CHD6: variants seen among roughly 807,000 people sequenced by gnomAD.
The protein encoded by CHD6 is chromodomain helicase DNA binding protein 6.
In CHD6, 50 loss-of-function variants were observed where a neutral mutation model predicts 276.9. The observed-to-expected ratio is 0.18, with a 90% CI of 0.14 to 0.23. The LOEUF is 0.23. Among genes scored for constraint, CHD6 ranks in the 10% least tolerant of loss-of-function variants. The pLI is 1.00. For missense variants in CHD6, 2,564 were observed against 3,365.8 expected (o/e 0.76, Z 5.89); for synonymous variants, 1,173 against 1,229.3 (o/e 0.95, Z 0.96).
chr20:41,525,174 C>T (rs1409904080), intron 3 of CHD6, among the ~76,000 whole-genome samples: 3 of 152,196 alleles, frequency 2.0e-5, no homozygotes, highest in Non-Finnish European at 4.4e-5. Context: ...GCTGTCCCTC[C>T]CTCCACTTTT....
chr20:41,522,470 T>C (rs948748653), intron 3 of CHD6, among the ~76,000 whole-genome samples: 3 of 152,186 alleles, frequency 2.0e-5, no homozygotes, highest in South Asian at 2.1e-4. Flanking sequence ...AGCAGGATAT[T>C]TGCATGATCT....
chr20:41,517,831 C>T (rs1438711250), intron 3 of CHD6, among the ~76,000 whole-genome samples: 1 of 152,200 alleles, frequency 6.6e-6, no homozygotes, highest in African/African-American at 2.4e-5. Flanking sequence ...CAGAGGCTTA[C>T]GCTCAGGTCA....
At chr20:41,586,938 A>G (rs1234875175) in intron 1 of CHD6, among the ~76,000 whole-genome samples, 1 of 152,360 alleles carries the variant, frequency 6.6e-6, no homozygotes, top group Admixed American at 6.5e-5. Context: ...CACTGACTCA[A>G]TATCATGTGA....
intron 16 of CHD6, among the ~76,000 whole-genome samples, chr20:41,482,182 G>C (rs1446046391): frequency 6.6e-6 from 1 of 152,104 alleles, no homozygotes; most frequent in Non-Finnish European, 1.5e-5. Flanking sequence ...ACTAACAGTT[G>C]TACATATTTT....
At chr20:41,490,611 G>A (rs965052816) in intron 11 of CHD6, among the ~76,000 whole-genome samples, 10 of 152,060 alleles carry the variant, frequency 6.6e-5, no homozygotes, top group Non-Finnish European at 8.8e-5. Context: ...TCAGGAGTTC[G>A]AGACGAACCT....
At chr20:41,451,170 A>C (rs1199445164) in intron 22 of CHD6, 65 bp from the exon 23 acceptor site, 6 of 1,435,656 alleles carry the variant, frequency 4.2e-6, no homozygotes, top group Non-Finnish European at 5.8e-6. Context: ...CGGGTTTTAG[A>C]AGAGCTGGGC....
At chr20:41,475,223 C>T (rs551837022) in intron 16 of CHD6, among the ~76,000 whole-genome samples, 18 of 152,326 alleles carry the variant, frequency 1.2e-4, no homozygotes, top group Admixed American at 8.5e-4. Flanking sequence ...TTAATTCTCA[C>T]AATAGTCCTA....
intron 28 of CHD6, 136 bp downstream of exon 28, chr20:41,425,957 G>T (rs1279000344): frequency 8.1e-6 from 6 of 739,890 alleles, no homozygotes; most frequent in African/African-American, 5.2e-5. Flanking sequence ...CTCTAGGGGA[G>T]TTTGATGATG....
chr20:41,527,021 T>A (rs1055365561), intron 3 of CHD6, among the ~76,000 whole-genome samples: 1 of 152,184 alleles, frequency 6.6e-6, no homozygotes, highest in African/African-American at 2.4e-5. Flanking sequence ...GGCCAGCACA[T>A]TGACTAATTT....
chr20:41,618,046 C>G (rs2045952579), intron 1 of CHD6, among the ~76,000 whole-genome samples: 1 of 148,080 alleles, frequency 6.8e-6, no homozygotes, highest in Non-Finnish European at 1.5e-5. Flanking sequence ...GGCGCACTCC[C>G]AAGGACGGCC....
chr20:41,525,307 T>C (rs919274578), intron 3 of CHD6, among the ~76,000 whole-genome samples: 34 of 152,188 alleles, frequency 2.2e-4, no homozygotes, highest in Non-Finnish European at 1.0e-4. Flanking sequence ...CTTAGAGTAA[T>C]TGCCTGAGTT....
chr20:41,604,373 T>C (rs948180560), intron 1 of CHD6, among the ~76,000 whole-genome samples: 1 of 152,050 alleles, frequency 6.6e-6, no homozygotes, highest in Non-Finnish European at 1.5e-5. Context: ...TGAGGAATAG[T>C]TAAAGATTAG....
Position 41,413,771 on chromosome 20 carries a change from C to A in CHD6, c.6940-256G>T, listed in dbSNP as rs540188957. Reference sequence around the variant, plus strand: ...CCACTTGGTACACTTTAACTCCATCCTGACTGCCGGATTCAGTTTTCCTCC... The same window carrying A: ...CCACTTGGTACACTTTAACTCCATCATGACTGCCGGATTCAGTTTTCCTCC... On this transcript the variant is annotated intron_variant, in intron 34 of 36. Transcript: ENST00000373233. 33 of 308,446 alleles carry A rather than the reference C, an allele frequency of 1.1e-4. 1 individual carries two copies. The highest frequency in any genetic ancestry group is 1.7e-3 in the Middle Eastern group (2 of 1,144). The allele number at this position is 308,446 out of a possible 1,614,324, so 19.1% of individuals were successfully genotyped here. A position where few individuals can be genotyped will look rare whatever the true frequency, so the allele number is the denominator to read the frequency against.
At chr20:41,448,080 A>G in intron 23 of CHD6, 109 bp from the exon 24 acceptor site, 1 of 556,254 alleles carries the variant, frequency 1.8e-6, no homozygotes, top group Non-Finnish European at 3.2e-6. Context: ...TGTAGTTAAT[A>G]TTATGAAGTA....
At chr20:41,423,896 A>G (rs1450238504) in intron 29 of CHD6, among the ~76,000 whole-genome samples, 196 bp from the exon 30 acceptor site, 1 of 152,182 alleles carries the variant, frequency 6.6e-6, no homozygotes, top group East Asian at 1.9e-4. Context: ...TCCAACTCCC[A>G]AAGAGGTAAT....
chr20:41,588,717 CAGAG>C (rs1048828036), intron 1 of CHD6, among the ~76,000 whole-genome samples: 144 of 152,256 alleles, frequency 9.5e-4, no homozygotes, highest in African/African-American at 3.2e-3. Flanking sequence ...TCTAACTAAA[CAGAG>C]AGAGCAAGAA....
intron 2 of CHD6, chr20:41,547,930 C>A: frequency 3.7e-6 from 1 of 266,878 alleles, no homozygotes; most frequent in Non-Finnish European, 7.4e-6. Flanking sequence ...AGTTAAGAAG[C>A]ACAAAGGAAA....
intron 2 of CHD6, among the ~76,000 whole-genome samples, chr20:41,547,252 C>T (rs966510046): frequency 6.6e-6 from 1 of 152,160 alleles, no homozygotes; most frequent in Non-Finnish European, 1.5e-5. Context: ...AAGTACTCGA[C>T]GAATTACCCC....
chr20:41,450,501 G>A (rs1402992407), intron 23 of CHD6, among the ~76,000 whole-genome samples: 3 of 150,866 alleles, frequency 2.0e-5, no homozygotes, highest in Non-Finnish European at 2.9e-5. Flanking sequence ...GACCCCAGCT[G>A]TTAGCCTACA....
Sources: allele counts gnomAD v4.1 joint callset (sites outside exome capture counted in the v4.1 genomes callset), GRCh38; gene constraint gnomAD v4.1.1; transcripts MANE v1.5; gene names NCBI Gene and HGNC (gene_info 2026-07-23, HGNC 2026-07-21).